The following TMEM161B variants were observed in gnomAD, a reference collection of about 807,000 sequenced individuals.
TMEM161B encodes transmembrane protein 161B.
TMEM161B carries 34 observed loss-of-function variants against 61.8 expected under a neutral mutation model. That is an observed-to-expected ratio of 0.55 (90% CI 0.42 to 0.73). TMEM161B has a LOEUF of 0.73. Ranked by LOEUF, TMEM161B falls within the 30% of genes least tolerant of loss-of-function variation. The pLI, the probability that TMEM161B is intolerant of heterozygous loss-of-function variation, is 0.00. For missense variants in TMEM161B, 456 were observed against 558.5 expected, an observed-to-expected ratio of 0.82 and a Z score of 1.85; for synonymous variants, 167 against 192.8, an observed-to-expected ratio of 0.87 and a Z score of 1.11.
chr5:88,222,493 A>G (rs1020486217), intron 4 of TMEM161B, among the ~76,000 whole-genome samples: 2 of 152,170 alleles, frequency 1.3e-5, no homozygotes, highest in Non-Finnish European at 1.5e-5. Flanking sequence ...AAAATCACCC[A>G]TACTGGGCTT....
chr5:88,223,539 A>G (rs1444645678), intron 4 of TMEM161B, among the ~76,000 whole-genome samples: 1 of 152,188 alleles, frequency 6.6e-6, no homozygotes, highest in African/African-American at 2.4e-5. Context: ...AAATGTTTTA[A>G]ATGTTGAATG....
chr5:88,206,536 T>A, intron 6 of TMEM161B, 37 bp from the exon 7 acceptor site: 1 of 1,478,550 alleles, frequency 6.8e-7, no homozygotes. Flanking sequence ...AGATTACTCT[T>A]ATCACAAATG....
chr5:88,201,962 C>T lies in TMEM161B; in HGVS notation c.914+1000G>A, dbSNP rs186121254. 8.6e-4 allele frequency: 284 copies of T among 328,520 alleles called. 1 individual carries two copies. Among genetic ancestry groups the T allele is most frequent in the African/African-American group, 5.4e-3 (252 of 46,706 alleles). 20.4% of individuals were successfully genotyped at this position (328,520 alleles called of 1,614,324 possible). A position where few individuals can be genotyped will look rare whatever the true frequency, so the allele number is the denominator to read the frequency against. On this transcript the variant is annotated intron_variant, in intron 9 of 11. Transcript: ENST00000296595. ...AGGACACAATACAAAAGGTACACTGCGGAGTCAATGACTAGTCAAGTATTT... is the reference window on the plus strand; with the variant it reads ...AGGACACAATACAAAAGGTACACTGTGGAGTCAATGACTAGTCAAGTATTT...
rs1554061084 is a variant in TMEM161B, at chr5:88,240,930, A to G, written c.4-14T>C. 5.3e-6 allele frequency: 8 copies of G among 1,516,114 alleles called. No individual in the cohort carries two copies. Among genetic ancestry groups the G allele is most frequent in the Non-Finnish European group, 2.7e-6 (3 of 1,124,664 alleles). The allele number at this position is 1,516,114 out of a possible 1,614,324, so 93.9% of individuals were successfully genotyped here. On this transcript the variant is annotated splice_polypyrimidine_tract_variant and intron_variant, in intron 1 of 11. Transcript: ENST00000296595. ...ACCTATCACACCCTGTGTAAAAAAA[A>G]CAAACAAATTTAATAATGAATGATT...
At chr5:88,242,397 T>C (rs1368901273) in intron 1 of TMEM161B, among the ~76,000 whole-genome samples, 2 of 145,214 alleles carry the variant, frequency 1.4e-5, no homozygotes, top group Non-Finnish European at 3.0e-5. Context: ...TATCCTCCCA[T>C]TTGCTGGCTC....
At chr5:88,200,282 T>C (rs1220713383) in intron 9 of TMEM161B, 1 of 152,080 alleles carries the variant, frequency 6.6e-6, no homozygotes, top group African/African-American at 2.4e-5. Flanking sequence ...GGAAAAGCAA[T>C]GTTGGCTAAG....
downstream of TMEM161B, among the ~76,000 whole-genome samples, chr5:88,193,379 A>C (rs1022626280): frequency 6.6e-6 from 1 of 152,184 alleles, no homozygotes; most frequent in African/African-American, 2.4e-5. Flanking sequence ...ACAAAATAAA[A>C]GAACTATACT....
intron 8 of TMEM161B, among the ~76,000 whole-genome samples, chr5:88,204,103 G>A (rs1472295087): frequency 2.0e-5 from 3 of 151,902 alleles, no homozygotes; most frequent in Middle Eastern, 3.2e-3. Flanking sequence ...GAGTGAACAG[G>A]GCTGGGTCAG....
At chr5:88,246,891 G>A (rs751694205) in intron 1 of TMEM161B, among the ~76,000 whole-genome samples, 1 of 151,968 alleles carries the variant, frequency 6.6e-6, no homozygotes, top group Non-Finnish European at 1.5e-5. Context: ...GATTCAAGTA[G>A]CCTTAATGGT....
At chr5:88,225,263 A>G (rs571067174) in intron 4 of TMEM161B, among the ~76,000 whole-genome samples, 181 of 152,070 alleles carry the variant, frequency 1.2e-3, no homozygotes, top group Admixed American at 3.2e-3. Flanking sequence ...CACCGCGCCC[A>G]GCCAAAATAT....
rs764084071 is a variant in TMEM161B at position 88,207,073 on chromosome 5, A to G, written c.554T>C (p.Val185Ala). The G allele has an allele frequency of 2.5e-6, 4 of 1,612,660 alleles. No individual in the cohort carries two copies. The Admixed American group carries it at 5.0e-5, about 20-fold the overall frequency. The stretch of plus-strand genomic sequence containing the variant: ...CAGATAATTTTCTGTTACAATCAAC[A>G]CTGCCATTGCTTTGACAAAGAAAAA... The part of the protein sequence containing the change: ...GFFFFVKAMA[V>A]LIVTENYLEF... Residue 185 changes from valine to alanine, a missense_variant, in exon 6 of 12, where the codon GTG becomes GCG. By Grantham distance (64) the Val-to-Ala change is moderately conservative. Around this residue, in one of 3 missense-constraint regions of TMEM161B, gnomAD observed 367 missense variants for 427.3 expected, o/e 0.86. Transcript: ENST00000296595.
chr5:88,205,768 A>T, intron 8 of TMEM161B, 46 bp downstream of exon 8: 2 of 1,596,230 alleles, frequency 1.3e-6, no homozygotes, highest in Non-Finnish European at 1.7e-6. Context: ...ATTAAGATGG[A>T]AAACATATAT....
At chr5:88,190,272 G>T, downstream of TMEM161B, 2 of 695,398 alleles carry the variant, frequency 2.9e-6, no homozygotes, top group East Asian at 6.1e-5. Flanking sequence ...CTGTCGGCAG[G>T]TAACACACCG....
chr5:88,231,301 G>C (rs913786383), intron 2 of TMEM161B, among the ~76,000 whole-genome samples: 1 of 152,184 alleles, frequency 6.6e-6, no homozygotes, highest in Non-Finnish European at 1.5e-5. Context: ...AGTGCAGGTG[G>C]CCTGGGTACT....
downstream of TMEM161B, among the ~76,000 whole-genome samples, chr5:88,187,648 C>T (rs1417967376): frequency 6.6e-6 from 1 of 152,058 alleles, no homozygotes; most frequent in Non-Finnish European, 1.5e-5. Context: ...CTGTAGTCAT[C>T]TCATATTTTG....
chr5:88,233,893 C>T (rs1356232797), intron 2 of TMEM161B, among the ~76,000 whole-genome samples: 2 of 151,848 alleles, frequency 1.3e-5, no homozygotes, highest in Non-Finnish European at 2.9e-5. Flanking sequence ...ATAATTGTGG[C>T]ACCTAAATCC....
chr5:88,226,464 T>C (rs750702282), intron 3 of TMEM161B, among the ~76,000 whole-genome samples: 4 of 152,216 alleles, frequency 2.6e-5, no homozygotes, highest in Non-Finnish European at 4.4e-5. Context: ...GGTTTCAATT[T>C]ATTACTTTAT....
At position 88,203,050 on chromosome 5, in the gene TMEM161B, C is replaced by T; in HGVS notation, c.826G>A (p.Ala276Thr). The change falls in exon 9 of 12, where the codon GCA becomes ACA. Residue 276 changes from alanine (A) to threonine (T), a missense_variant. By Grantham distance (58) the Ala-to-Thr change is moderately conservative (BLOSUM62 0). Transcript: ENST00000296595. Reference protein sequence around the residue: ...TQTLLHINFLAPLFMVLLWVK... With the variant: ...TQTLLHINFLTPLFMVLLWVK... Reference sequence around the variant, plus strand: ...CAGAGCAGAACCATAAATAAAGGTGCCAAGAAGTTGATATGAAGTAAAGTT... The same window carrying T: ...CAGAGCAGAACCATAAATAAAGGTGTCAAGAAGTTGATATGAAGTAAAGTT... The T allele has an allele frequency of 6.2e-7, 1 of 1,606,676 alleles. No individual in the cohort carries two copies. Among genetic ancestry groups the T allele is most frequent in the Non-Finnish European group, 8.5e-7 (1 of 1,174,306 alleles).
intron 1 of TMEM161B, among the ~76,000 whole-genome samples, chr5:88,243,027 T>C (rs937451588): frequency 6.6e-6 from 1 of 151,736 alleles, no homozygotes; most frequent in African/African-American, 2.4e-5. Context: ...AAAAAATATG[T>C]ACAGACAGTT....
Sources: gnomAD v4.1 joint callset for allele counts (sites outside exome capture counted in the v4.1 genomes callset) on GRCh38, gnomAD v4.1.1 for gene constraint, gnomAD v4.1.1 regional missense constraint, MANE v1.5 for transcripts, NCBI Gene and HGNC (gene_info 2026-07-23, HGNC 2026-07-21) for gene names.